Variants in TMEM132D observed in about 807,000 individuals in gnomAD.
TMEM132D encodes transmembrane protein 132D, also known as mature OL transmembrane protein.
In TMEM132D, 21 loss-of-function variants were observed where a neutral mutation model predicts 62.3. That is an observed-to-expected ratio of 0.34 (90% CI 0.24 to 0.49). TMEM132D has a LOEUF of 0.49. Among genes scored for constraint, TMEM132D ranks in the 20% least tolerant of loss-of-function variants. The probability of loss-of-function intolerance (pLI) is 0.99; values close to 1 mark genes in which losing one functional copy is unlikely to be tolerated. For synonymous variants in TMEM132D, 621 were observed against 575.6 expected (o/e 1.08, Z -1.13); for missense variants, 1,346 against 1,402.8 (o/e 0.96, Z 0.65).
At chr12:129,166,798 T>C (rs201280673) in intron 5 of TMEM132D, among the ~76,000 whole-genome samples, 27 of 53,102 alleles carry the variant, frequency 5.1e-4, no homozygotes, top group East Asian at 3.6e-3. Context: ...TATATATATA[T>C]ATATATATAT....
intron 1 of TMEM132D, among the ~76,000 whole-genome samples, chr12:129,709,937 G>T (rs1881601596): frequency 6.6e-6 from 1 of 152,136 alleles, no homozygotes; most frequent in African/African-American, 2.4e-5. Flanking sequence ...TATACTCATT[G>T]AAAATTTATT....
At chr12:129,577,416 TTATATAAA>T (rs1877700276) in intron 2 of TMEM132D, among the ~76,000 whole-genome samples, 1 of 148,120 alleles carries the variant, frequency 6.8e-6, no homozygotes. Context: ...ATATATATAA[TTATATAAA>T]TATATATCTA....
At chr12:129,346,709 G>C (rs528619556) in intron 3 of TMEM132D, among the ~76,000 whole-genome samples, 1 of 152,180 alleles carries the variant, frequency 6.6e-6, no homozygotes, top group South Asian at 2.1e-4. Flanking sequence ...TTCTGGCCAG[G>C]GTAATCAGGC....
intron 2 of TMEM132D, among the ~76,000 whole-genome samples, chr12:129,674,536 G>A (rs1278500799): frequency 6.6e-6 from 1 of 152,016 alleles, no homozygotes; most frequent in Admixed American, 6.6e-5. Flanking sequence ...TATGTTTTAT[G>A]TTTTCTGTTT....
At chr12:129,695,115 A>G (rs1427980396) in intron 2 of TMEM132D, among the ~76,000 whole-genome samples, 4 of 152,234 alleles carry the variant, frequency 2.6e-5, no homozygotes, top group African/African-American at 7.2e-5. Context: ...CAAATCATTC[A>G]TTGCTCAATT....
chr12:129,331,184 A>G (rs774624808), intron 4 of TMEM132D, among the ~76,000 whole-genome samples: 4 of 152,188 alleles, frequency 2.6e-5, no homozygotes, highest in Non-Finnish European at 4.4e-5. Context: ...CACGTTTGAG[A>G]AAGAGCTCAG....
At chr12:129,141,248 T>C (rs1228563269) in intron 5 of TMEM132D, among the ~76,000 whole-genome samples, 1 of 152,198 alleles carries the variant, frequency 6.6e-6, no homozygotes, top group Non-Finnish European at 1.5e-5. Flanking sequence ...AAATTATTCA[T>C]TCATCCAAGA....
chr12:129,600,190 C>G (rs942733378), intron 2 of TMEM132D, among the ~76,000 whole-genome samples: 2 of 152,222 alleles, frequency 1.3e-5, no homozygotes, highest in Non-Finnish European at 2.9e-5. Context: ...AATGCTCACA[C>G]GTCCTCACCA....
At chr12:129,451,648 TGACCACAGAGGCATGCCCAAATTGAC>T (rs1873290239) in intron 3 of TMEM132D, among the ~76,000 whole-genome samples, 1 of 152,196 alleles carries the variant, frequency 6.6e-6, no homozygotes, top group South Asian at 2.1e-4. Flanking sequence ...ACTAAAAACC[TGACCACAGAGGCATGCCCAAATTGAC>T]GTTATTCTCA....
chr12:129,893,647 T>C (rs1178675561), intron 1 of TMEM132D, among the ~76,000 whole-genome samples: 2 of 152,254 alleles, frequency 1.3e-5, no homozygotes, highest in African/African-American at 4.8e-5. Flanking sequence ...TTTTCCATTT[T>C]TCCCCTTCAG....
At chr12:129,895,170 A>G (rs747223604) in intron 1 of TMEM132D, among the ~76,000 whole-genome samples, 1 of 152,080 alleles carries the variant, frequency 6.6e-6, no homozygotes, top group Non-Finnish European at 1.5e-5. Context: ...CCACCAAAGC[A>G]TAGCACCCCC....
chr12:129,074,018 C>G lies in TMEM132D; in HGVS notation c.3157G>C (p.Val1053Leu), dbSNP rs750913130. 1 of 1,613,938 alleles carries G rather than the reference C, an allele frequency of 6.2e-7. No homozygotes were observed. Among genetic ancestry groups the G allele is most frequent in the South Asian group, 1.1e-5 (1 of 91,050 alleles). The change falls in exon 9 of 9, where the codon GTC becomes CTC. Residue 1053 changes from valine (V) to leucine (L), a missense_variant. Physicochemically the swap from Val to Leu is conservative, Grantham distance 32. Coordinates refer to ENST00000422113, the MANE Select transcript of TMEM132D (RefSeq NM_133448.3). ...GTGGGGTACTCGTCGTCTGAGGAGA[C>G]GGCGGTGAAGGTGGTAAATTTTACC... ...KRVKFTTFTAVSSDDEYPTRN... is the reference protein window; with the variant it reads ...KRVKFTTFTALSSDDEYPTRN...
chr12:129,104,852 T>A (rs10847767), intron 5 of TMEM132D, among the ~76,000 whole-genome samples: 1 of 135,048 alleles, frequency 7.4e-6, no homozygotes, highest in African/African-American at 3.1e-5. Flanking sequence ...GATACCATCT[T>A]ACACCAGTTA....
intron 1 of TMEM132D, among the ~76,000 whole-genome samples, chr12:129,839,378 G>A (rs1055203289): frequency 3.3e-5 from 5 of 149,900 alleles, no homozygotes; most frequent in South Asian, 2.1e-4. Flanking sequence ...CGCCTGCCTC[G>A]GCCTCCCAAA....
intron 7 of TMEM132D, among the ~76,000 whole-genome samples, chr12:129,080,018 G>C (rs1055287796): frequency 6.6e-6 from 1 of 152,080 alleles, no homozygotes; most frequent in Non-Finnish European, 1.5e-5. Flanking sequence ...TTCTCATCTC[G>C]CTGTGAGTTT....
intron 3 of TMEM132D, among the ~76,000 whole-genome samples, chr12:129,387,930 T>C (rs1468328756): frequency 1.2e-5 from 1 of 86,546 alleles, no homozygotes; most frequent in Non-Finnish European, 2.5e-5. Context: ...GCAACACCAA[T>C]ACTAACACCA....
intron 2 of TMEM132D, among the ~76,000 whole-genome samples, chr12:129,565,267 A>G (rs1593067930): frequency 6.6e-6 from 1 of 152,240 alleles, no homozygotes; most frequent in East Asian, 1.9e-4. Flanking sequence ...GGTGGGACAA[A>G]GATGGAAACC....
intron 1 of TMEM132D, among the ~76,000 whole-genome samples, chr12:129,801,055 G>A (rs1001527687): frequency 2.0e-4 from 30 of 152,302 alleles, no homozygotes; most frequent in East Asian, 7.7e-4. Context: ...CACCTGGCTC[G>A]GAGGGTCCTG....
At chr12:129,803,018 G>T (rs372739147) in intron 1 of TMEM132D, among the ~76,000 whole-genome samples, 3 of 150,648 alleles carry the variant, frequency 2.0e-5, no homozygotes, top group African/African-American at 7.4e-5. Context: ...ACCCAATACA[G>T]GAGCACCCAG....
Sources: gnomAD v4.1 joint callset for allele counts (sites outside exome capture counted in the v4.1 genomes callset) on GRCh38, gnomAD v4.1.1 for gene constraint, MANE v1.5 for transcripts, NCBI Gene and HGNC (gene_info 2026-07-23, HGNC 2026-07-21) for gene names.